The following TPTE variants were observed in gnomAD, a reference collection of about 807,000 sequenced individuals.
TPTE encodes transmembrane phosphatase with tensin homology.
A neutral mutation model predicts 84.1 loss-of-function variants in TPTE; 59 were observed. The ratio of observed to expected loss-of-function variants is 0.70; its 90% confidence interval spans 0.57 to 0.87. The LOEUF (loss-of-function observed/expected upper bound fraction) is 0.87, where lower values mean the gene tolerates loss of function less well. Ranked by LOEUF, TPTE falls within the 40% of genes least tolerant of loss-of-function variation. The pLI is 0.00. For missense variants in TPTE, 382 were observed against 659.6 expected (o/e 0.58, Z 4.61); for synonymous variants, 130 against 223.5 (o/e 0.58, Z 3.73).
At chr21:10,538,103 A>G (rs1469312080) in intron 3 of TPTE, among the ~76,000 whole-genome samples, 9 of 152,304 alleles carry the variant, frequency 5.9e-5, no homozygotes, top group Non-Finnish European at 8.8e-5. Context: ...CTCTTTGGAA[A>G]CAGGAAAGGA....
chr21:10,521,957 C>T (rs1176551282), intron 1 of TPTE, among the ~76,000 whole-genome samples: 5 of 152,032 alleles, frequency 3.3e-5, no homozygotes, highest in African/African-American at 9.6e-5. Flanking sequence ...GCCCGCTCCT[C>T]CTCATTCAAA....
intron 17 of TPTE, among the ~76,000 whole-genome samples, chr21:10,579,498 A>T (rs2075232886): frequency 6.7e-6 from 1 of 149,768 alleles, no homozygotes; most frequent in Non-Finnish European, 1.5e-5. Flanking sequence ...CTAAAAAAAT[A>T]ACAATAATCA....
chr21:10,564,562 A>T (rs1422945379), intron 10 of TPTE, among the ~76,000 whole-genome samples: 1 of 152,308 alleles, frequency 6.6e-6, no homozygotes, highest in East Asian at 1.9e-4. Context: ...AACCAAAAAC[A>T]TGCTAATATA....
intron 19 of TPTE, among the ~76,000 whole-genome samples, chr21:10,593,792 G>C (rs1409197977): frequency 6.6e-6 from 1 of 152,304 alleles, no homozygotes; most frequent in Admixed American, 6.5e-5. Flanking sequence ...GTGAGAGCGG[G>C]TTGGGAATTT....
At chr21:10,582,081 G>C (rs867443973) in intron 17 of TPTE, among the ~76,000 whole-genome samples, 129 of 152,188 alleles carry the variant, frequency 8.5e-4, no homozygotes, top group African/African-American at 3.1e-3. Context: ...TTCTATGTGT[G>C]TGTATATATT....
intron 3 of TPTE, among the ~76,000 whole-genome samples, chr21:10,536,534 A>G (rs185388070): frequency 1.3e-5 from 2 of 152,428 alleles, no homozygotes; most frequent in East Asian, 1.9e-4. Context: ...ATATGCAGAT[A>G]TACATACTTC....
chr21:10,569,988 T>C (rs1262292581), intron 13 of TPTE, among the ~76,000 whole-genome samples: 2 of 152,306 alleles, frequency 1.3e-5, no homozygotes, highest in African/African-American at 4.8e-5. Context: ...GCTGACTCCA[T>C]TTGAGTTTCA....
intron 17 of TPTE, among the ~76,000 whole-genome samples, chr21:10,587,839 C>T (rs866528867): frequency 1.0e-3 from 156 of 151,808 alleles, no homozygotes; most frequent in Non-Finnish European, 1.8e-3. Flanking sequence ...CATGAGCCAC[C>T]GCGCCCAGCC....
chr21:10,564,560 A>C (rs1390969474), intron 10 of TPTE, among the ~76,000 whole-genome samples: 1 of 152,310 alleles, frequency 6.6e-6, no homozygotes, highest in Non-Finnish European at 1.5e-5. Flanking sequence ...AAAACCAAAA[A>C]CATGCTAATA....
intron 8 of TPTE, among the ~76,000 whole-genome samples, chr21:10,557,711 C>T (rs1183791731): frequency 6.6e-6 from 1 of 152,298 alleles, no homozygotes; most frequent in African/African-American, 2.4e-5. Flanking sequence ...CTCAGGTTAA[C>T]CTAACATCCT....
At chr21:10,539,061 A>G (rs1018975995) in intron 4 of TPTE, among the ~76,000 whole-genome samples, 2 of 152,308 alleles carry the variant, frequency 1.3e-5, no homozygotes, top group African/African-American at 4.8e-5. Context: ...AAAAAGGAGC[A>G]GGTCATAAGA....
intron 17 of TPTE, among the ~76,000 whole-genome samples, chr21:10,580,269 T>A (rs569498020): frequency 1.9e-4 from 29 of 152,324 alleles, no homozygotes; most frequent in Admixed American, 9.8e-4. Flanking sequence ...TATTATCGAA[T>A]GTATGCTTTG....
intron 14 of TPTE, chr21:10,576,382 T>C (rs1169582003): frequency 8.8e-6 from 2 of 227,976 alleles, no homozygotes; most frequent in Non-Finnish European, 1.8e-5. Flanking sequence ...AGACTGAGCC[T>C]AGTCTCCATG....
At chr21:10,526,758 C>T (rs566774238) in intron 2 of TPTE, among the ~76,000 whole-genome samples, 1 of 152,366 alleles carries the variant, frequency 6.6e-6, no homozygotes, top group East Asian at 1.9e-4. Context: ...GTCTAAAAAC[C>T]AATATTGGCA....
intron 5 of TPTE, among the ~76,000 whole-genome samples, chr21:10,541,783 G>A (rs2145617850): frequency 6.6e-6 from 1 of 152,426 alleles, no homozygotes; most frequent in South Asian, 2.1e-4. Context: ...GCCCAGGGAA[G>A]AGAGAATCCT....
At chr21:10,528,677 C>G (rs558994082) in intron 3 of TPTE, among the ~76,000 whole-genome samples, 5 of 152,306 alleles carry the variant, frequency 3.3e-5, no homozygotes, top group Non-Finnish European at 7.3e-5. Context: ...TACTTCTTAT[C>G]GTAAGATTAC....
intron 3 of TPTE, among the ~76,000 whole-genome samples, chr21:10,529,143 TG>T (rs1441298017): frequency 6.6e-6 from 1 of 151,526 alleles, no homozygotes; most frequent in African/African-American, 2.4e-5. Context: ...GAGACAGCAC[TG>T]CTGCACTGCA....
intron 7 of TPTE, among the ~76,000 whole-genome samples, chr21:10,551,147 G>A (rs562306541): frequency 1.1e-3 from 171 of 152,322 alleles, no homozygotes; most frequent in Middle Eastern, 3.4e-3. Context: ...CCCTACAAAG[G>A]ACATGAACTC....
intron 7 of TPTE, among the ~76,000 whole-genome samples, chr21:10,548,376 A>G (rs1437614507): frequency 5.9e-5 from 9 of 152,306 alleles, no homozygotes; most frequent in Non-Finnish European, 8.8e-5. Flanking sequence ...AGACCAGCCA[A>G]TCAGCCATGA....
Sources: allele counts gnomAD v4.1 joint callset (sites outside exome capture counted in the v4.1 genomes callset), GRCh38; gene constraint gnomAD v4.1.1; transcripts MANE v1.5; gene names NCBI Gene and HGNC (gene_info 2026-07-23, HGNC 2026-07-21).